PSD3: variants seen among roughly 807,000 people sequenced by gnomAD.
PSD3 encodes the protein PH and SEC7 domain-containing protein 3.
In PSD3, 49 loss-of-function variants were observed where a neutral mutation model predicts 105.5. That is an observed-to-expected ratio of 0.46 (90% CI 0.37 to 0.59). The LOEUF (loss-of-function observed/expected upper bound fraction) is 0.59, where lower values mean the gene tolerates loss of function less well. PSD3 is among the 20% of genes least tolerant of loss of function. PSD3 has a pLI of 0.00. For synonymous variants in PSD3, 557 were observed against 457.8 expected (o/e 1.22, Z -2.77); for missense variants, 1,561 against 1,263.8 (o/e 1.24, Z -3.57).
chr8:18,752,567 ATATATATAATTATATATATTATATAT>A (rs1805647664), intron 9 of PSD3, among the ~76,000 whole-genome samples: 4 of 78,764 alleles, frequency 5.1e-5, no homozygotes, highest in African/African-American at 3.2e-4. Flanking sequence ...TATATATATT[ATATATATAATTATATATATTATATAT>A]TATATATTAT....
chr8:18,695,281 G>C (rs116438253), intron 9 of PSD3, among the ~76,000 whole-genome samples: 8 of 28,484 alleles, frequency 2.8e-4, no homozygotes, highest in African/African-American at 7.0e-4. Context: ...GGAAACTGCA[G>C]ACACAACAGT....
At chr8:19,041,391 G>C (rs1357756208) in intron 1 of PSD3, among the ~76,000 whole-genome samples, 2 of 152,194 alleles carry the variant, frequency 1.3e-5, no homozygotes, top group Non-Finnish European at 2.9e-5. Context: ...TGTGTAGTCA[G>C]AATTCCTTGG....
At chr8:18,939,019 A>C (rs1217423236) in intron 1 of PSD3, among the ~76,000 whole-genome samples, 3 of 55,940 alleles carry the variant, frequency 5.4e-5, no homozygotes, top group Non-Finnish European at 1.2e-4. Flanking sequence ...GACTCACTAA[A>C]ACATCAGAAA....
intron 15 of PSD3, among the ~76,000 whole-genome samples, chr8:18,543,998 C>G (rs1455034294): frequency 6.6e-6 from 1 of 151,958 alleles, no homozygotes; most frequent in Non-Finnish European, 1.5e-5. Flanking sequence ...GCATTCAGAC[C>G]TCACTGCTCT....
intron 15 of PSD3, among the ~76,000 whole-genome samples, chr8:18,542,247 A>G (rs1585203732): frequency 6.6e-6 from 1 of 152,222 alleles, no homozygotes; most frequent in East Asian, 1.9e-4. Context: ...CATACATTAA[A>G]AAGATAAGGA....
chr8:18,823,217 G>A (rs1182335285), intron 4 of PSD3, among the ~76,000 whole-genome samples: 1 of 152,002 alleles, frequency 6.6e-6, no homozygotes, highest in Non-Finnish European at 1.5e-5. Context: ...GGAGTCTGCA[G>A]AAAATAAGAT....
intron 8 of PSD3, among the ~76,000 whole-genome samples, chr8:18,798,005 A>G (rs1343491236): frequency 6.6e-6 from 1 of 152,180 alleles, no homozygotes; most frequent in Non-Finnish European, 1.5e-5. Context: ...ATCACCAAAC[A>G]GCCAGACAAA....
chr8:19,040,503 G>C (rs1482184767), intron 1 of PSD3, among the ~76,000 whole-genome samples: 3 of 152,172 alleles, frequency 2.0e-5, no homozygotes, highest in Non-Finnish European at 2.9e-5. Flanking sequence ...ACTGCATTTG[G>C]CCTGGAGTTA....
intron 9 of PSD3, among the ~76,000 whole-genome samples, chr8:18,711,344 A>C (rs576695221): frequency 6.6e-6 from 1 of 152,316 alleles, no homozygotes; most frequent in East Asian, 1.9e-4. Context: ...ACAGAATGGA[A>C]AGCTGGAGAA....
intron 8 of PSD3, among the ~76,000 whole-genome samples, chr8:18,792,107 G>A (rs760718904): frequency 4.6e-5 from 7 of 152,102 alleles, no homozygotes; most frequent in East Asian, 3.9e-4. Flanking sequence ...ATGCTTTTAC[G>A]CTGTTGGTGG....
intron 8 of PSD3, among the ~76,000 whole-genome samples, chr8:18,766,199 T>C (rs1185080837): frequency 1.3e-5 from 2 of 151,826 alleles, no homozygotes; most frequent in Non-Finnish European, 2.9e-5. Context: ...CCAGGCGTGG[T>C]GGCAGGCGCC....
chr8:18,698,884 C>G (rs948702135), intron 9 of PSD3, among the ~76,000 whole-genome samples: 1 of 152,100 alleles, frequency 6.6e-6, no homozygotes, highest in African/African-American at 2.4e-5. Context: ...AAAGTACTAG[C>G]TTTTTCTAGA....
chr8:18,584,831 C>T (rs2130441977), intron 12 of PSD3, among the ~76,000 whole-genome samples: 1 of 152,242 alleles, frequency 6.6e-6, no homozygotes, highest in Non-Finnish European at 1.5e-5. Flanking sequence ...CATGTTTTTG[C>T]TACATGGAAC....
rs776481907 is a variant in PSD3 at position 18,765,477 on chromosome 8, C to A, written c.2144G>T (p.Gly715Val). ...FIANLQGVNE[G>V]VDFSKDLLKA... is the part of the protein sequence containing the mutation. ...CAGCAGATCCTTGGAGAAATCAACACCCTCATTTACCCCTTGCAGATTTGC... is the reference window on the plus strand; with the variant it reads ...CAGCAGATCCTTGGAGAAATCAACAACCTCATTTACCCCTTGCAGATTTGC... Residue 715 changes from glycine (G) to valine (V), a missense_variant, in exon 9 of 16, where the codon GGT becomes GTT. Gly to Val is a moderately radical substitution (Grantham distance 109, BLOSUM62 -3). Coordinates refer to ENST00000327040, the MANE Select transcript of PSD3 (RefSeq NM_015310.4). 3.1e-6 allele frequency: 5 copies of A among 1,612,818 alleles called. No homozygotes were observed. The highest frequency in any genetic ancestry group is 2.2e-5 in the South Asian group (2 of 91,052).
At chr8:18,996,817 T>A (rs4921981) in intron 1 of PSD3, among the ~76,000 whole-genome samples, 70,795 of 151,620 alleles carry the variant, frequency 0.47, 17,178 homozygotes, top group Middle Eastern at 0.61. Context: ...GATCAACATT[T>A]GGTCCCCACT....
chr8:18,743,958 C>CCCACCACCA (rs1804781707), intron 9 of PSD3, among the ~76,000 whole-genome samples: 2 of 63,516 alleles, frequency 3.1e-5, no homozygotes, highest in East Asian at 8.9e-4. Context: ...AACTCTGTCT[C>CCCACCACCA]TCACCACCAC....
intron 1 of PSD3, among the ~76,000 whole-genome samples, chr8:18,949,501 A>G (rs116357810): frequency 1.3e-5 from 2 of 151,908 alleles, no homozygotes; most frequent in Non-Finnish European, 2.9e-5. Flanking sequence ...TCATTGCATT[A>G]ATTTCTGTAA....
At chr8:18,603,547 T>C (rs192691241) in intron 11 of PSD3, among the ~76,000 whole-genome samples, 4 of 152,222 alleles carry the variant, frequency 2.6e-5, no homozygotes, top group Non-Finnish European at 5.9e-5. Flanking sequence ...AACTGCTTTT[T>C]CTTATGAAGA....
At chr8:18,851,006 G>A (rs180839725) in intron 4 of PSD3, among the ~76,000 whole-genome samples, 1 of 152,302 alleles carries the variant, frequency 6.6e-6, no homozygotes, top group East Asian at 1.9e-4. Context: ...GAGACAAAGT[G>A]CAAGGACACC....
Sources: gnomAD v4.1 joint callset for allele counts (sites outside exome capture counted in the v4.1 genomes callset) on GRCh38, gnomAD v4.1.1 for gene constraint, MANE v1.5 for transcripts, NCBI Gene and HGNC (gene_info 2026-07-23, HGNC 2026-07-21) for gene names.